Variants in PTPRU observed in about 807,000 individuals in gnomAD.
PTPRU encodes receptor-type tyrosine-protein phosphatase U.
PTPRU carries 69 observed loss-of-function variants against 166.3 expected under a neutral mutation model. The observed-to-expected ratio is 0.41, with a 90% CI of 0.34 to 0.51. PTPRU has a LOEUF of 0.51. PTPRU is among the 20% of genes least tolerant of loss of function. The probability of loss-of-function intolerance (pLI) is 0.09; values close to 1 mark genes in which losing one functional copy is unlikely to be tolerated. For synonymous variants in PTPRU, 793 were observed against 814.0 expected, an observed-to-expected ratio of 0.97 and a Z score of 0.44; for missense variants, 1,657 against 2,013.7, an observed-to-expected ratio of 0.82 and a Z score of 3.39.
chr1:29,241,570 ATTT>A (rs1170440892), intron 1 of PTPRU, among the ~76,000 whole-genome samples: 5 of 140,710 alleles, frequency 3.6e-5, no homozygotes, highest in African/African-American at 7.9e-5. Flanking sequence ...CCATGTGTCT[ATTT>A]TTTTTTTTTC....
At chr1:29,240,527 A>G (rs1018710569) in intron 1 of PTPRU, among the ~76,000 whole-genome samples, 6 of 152,106 alleles carry the variant, frequency 3.9e-5, no homozygotes, top group African/African-American at 9.7e-5. Context: ...GAATCTGGAA[A>G]ATTCCTGGAG....
At chr1:29,289,747 C>G in intron 14 of PTPRU, 1 of 1,609,562 alleles carries the variant, frequency 6.2e-7, no homozygotes, top group Non-Finnish European at 8.5e-7. Flanking sequence ...AGTCCCCGGC[C>G]CTGCCTAGGG....
Position 29,292,025 on chromosome 1 carries a change from G to C in PTPRU, c.2475G>C (p.Arg825=). Residue 825 remains arginine (R), a splice_region_variant and synonymous_variant, in exon 15 of 30, where the codon CGG becomes CGC. Transcript: ENST00000373779. ...SFMDTHGYST[R]GDQRSGGVTE... ...TGGACACCCATGGCTACAGCACCCG[G>C]GGTGAGTGCCCGGCCCTCCTACCCC... 1 of 1,614,004 alleles carries C rather than the reference G, an allele frequency of 6.2e-7. No homozygotes were observed. The highest frequency in any genetic ancestry group is 8.5e-7 in the Non-Finnish European group (1 of 1,179,950).
chr1:29,321,131 A>G (rs1049509944), intron 26 of PTPRU, among the ~76,000 whole-genome samples: 1 of 151,674 alleles, frequency 6.6e-6, no homozygotes, highest in Admixed American at 6.6e-5. Flanking sequence ...CTTGGGCCCA[A>G]GCCATCCTTC....
rs961223834 is a variant in PTPRU, at chr1:29,259,962, C to T, written c.768C>T (p.Arg256=). 4 of 1,545,910 alleles carry T rather than the reference C, an allele frequency of 2.6e-6. No homozygotes were observed. Among genetic ancestry groups the T allele is most frequent in the South Asian group, 1.2e-5 (1 of 84,626 alleles). Residue 256 remains arginine (R), a synonymous_variant, in exon 6 of 30, where the codon CGC becomes CGT. Coordinates refer to ENST00000373779, the MANE Select transcript of PTPRU (RefSeq NM_133178.4). ...CTTTCCCGCTGGCTGCCGTGAGCCG[C>T]GCCGAGCAGGACCTGTACCGCTGTG... ...LATFPLAAVS[R]AEQDLYRCVS... is the part of the protein sequence containing the mutation.
intron 1 of PTPRU, among the ~76,000 whole-genome samples, chr1:29,247,040 TGCA>T (rs1372805347): frequency 1.3e-5 from 2 of 152,248 alleles, no homozygotes; most frequent in Non-Finnish European, 2.9e-5. Flanking sequence ...TGCCGCACCC[TGCA>T]GTTTCTTCTT....
In PTPRU at chr1:29,317,517, G is replaced by C. The variant is rs1277980003; in HGVS notation, c.3514-231G>C. 6.6e-6 allele frequency among the ~76,000 whole-genome samples: 1 copy of C among 152,180 alleles called. No individual in the cohort carries two copies. Among genetic ancestry groups the C allele is most frequent in the Non-Finnish European group, 1.5e-5 (1 of 68,030 alleles). On this transcript the variant is annotated intron_variant, in intron 24 of 29. Coordinates refer to ENST00000373779, the MANE Select transcript of PTPRU (RefSeq NM_133178.4). The surrounding 1 kb of genome is among the most constrained non-coding windows in gnomAD (Gnocchi z 5.6). ...CTGAGAGATGCAGTAGCTTGTCTGA[G>C]GTTATGTGGGTGGCAAGGAGGTAGA...
chr1:29,252,858 T>G (rs1298438736), intron 1 of PTPRU, among the ~76,000 whole-genome samples: 2 of 152,202 alleles, frequency 1.3e-5, no homozygotes, highest in Admixed American at 6.5e-5. Flanking sequence ...AAGCAAGCAA[T>G]TAATTCTGTA....
intron 8 of PTPRU, among the ~76,000 whole-genome samples, 199 bp downstream of exon 8, chr1:29,275,955 T>C (rs1685788695): frequency 6.6e-6 from 1 of 152,224 alleles, no homozygotes; most frequent in Non-Finnish European, 1.5e-5. Flanking sequence ...TTTCCTTAAG[T>C]GTTTGAAAGA....
chr1:29,290,629 T>C (rs558377989), intron 14 of PTPRU, among the ~76,000 whole-genome samples: 4 of 152,330 alleles, frequency 2.6e-5, no homozygotes, highest in Non-Finnish European at 5.9e-5. Context: ...CCTTAGTGTT[T>C]CCTGACACGA....
intron 1 of PTPRU, among the ~76,000 whole-genome samples, chr1:29,252,912 A>T (rs557087123): frequency 3.3e-4 from 50 of 152,182 alleles, no homozygotes; most frequent in Non-Finnish European, 5.7e-4. Flanking sequence ...CTAGCACAAG[A>T]GTCAGATCCC....
intron 7 of PTPRU, among the ~76,000 whole-genome samples, chr1:29,274,314 T>C (rs1278191914): frequency 6.6e-6 from 1 of 151,902 alleles, no homozygotes; most frequent in East Asian, 1.9e-4. Flanking sequence ...GCTGGGATTA[T>C]AGGCATGAGC....
intron 1 of PTPRU, among the ~76,000 whole-genome samples, chr1:29,251,878 C>T (rs931890782): frequency 6.6e-6 from 1 of 152,178 alleles, no homozygotes; most frequent in Non-Finnish European, 1.5e-5. Context: ...TAGGGCAGGC[C>T]CAGCTCAAGC....
intron 1 of PTPRU, among the ~76,000 whole-genome samples, chr1:29,239,475 G>A (rs544804935): frequency 6.6e-6 from 1 of 152,256 alleles, no homozygotes; most frequent in East Asian, 1.9e-4. Context: ...GACTTAGCAG[G>A]AAGCAGTGAC....
intron 7 of PTPRU, among the ~76,000 whole-genome samples, chr1:29,270,518 A>G (rs1574640402): frequency 6.6e-6 from 1 of 152,154 alleles, no homozygotes; most frequent in African/African-American, 2.4e-5. Flanking sequence ...TATGTTGCCC[A>G]TGAAGGTCTC....
At chr1:29,247,522 T>C (rs1236345916) in intron 1 of PTPRU, among the ~76,000 whole-genome samples, 2 of 152,254 alleles carry the variant, frequency 1.3e-5, no homozygotes, top group African/African-American at 4.8e-5. Flanking sequence ...ATCGTCACAC[T>C]GCTCGGGTTT....
At chr1:29,251,412 T>C (rs1420162312) in intron 1 of PTPRU, among the ~76,000 whole-genome samples, 1 of 152,020 alleles carries the variant, frequency 6.6e-6, no homozygotes, top group Non-Finnish European at 1.5e-5. Context: ...GGTCAGTCAG[T>C]CTGATGGTTA....
chr1:29,323,913 A>G, intron 28 of PTPRU, 125 bp downstream of exon 28: 1 of 1,231,860 alleles, frequency 8.1e-7, no homozygotes, highest in Non-Finnish European at 1.1e-6. Flanking sequence ...GGGCTCTTAG[A>G]TGGCTGTGGC....
At chr1:29,251,906 C>G (rs1684559088) in intron 1 of PTPRU, among the ~76,000 whole-genome samples, 1 of 152,228 alleles carries the variant, frequency 6.6e-6, no homozygotes, top group Admixed American at 6.5e-5. Flanking sequence ...AGCTGGCCTC[C>G]TCCTCCAGGA....
Sources: gnomAD v4.1 joint callset for allele counts (sites outside exome capture counted in the v4.1 genomes callset) on GRCh38, gnomAD v4.1.1 for gene constraint, Gnocchi (gnomAD v3.1) non-coding constraint, MANE v1.5 for transcripts, NCBI Gene and HGNC (gene_info 2026-07-23, HGNC 2026-07-21) for gene names.